CFAP91: variants seen among roughly 807,000 people sequenced by gnomAD.
The protein encoded by CFAP91 is cilia and flagella associated protein 91.
Under a neutral mutation model 95.9 loss-of-function variants are expected in CFAP91, and 85 were observed. That is an observed-to-expected ratio of 0.89 (90% CI 0.74 to 1.06). The LOEUF is 1.06. CFAP91 is among the 50% of genes least tolerant of loss of function. The pLI is 0.00. For missense variants in CFAP91, 962 were observed against 943.4 expected, an observed-to-expected ratio of 1.02 and a Z score of -0.26; for synonymous variants, 335 against 327.5, an observed-to-expected ratio of 1.02 and a Z score of -0.25.
At chr3:119,723,768 C>T (rs1024068456) in intron 6 of CFAP91, among the ~76,000 whole-genome samples, 14 of 152,168 alleles carry the variant, frequency 9.2e-5, no homozygotes, top group African/African-American at 3.1e-4. Flanking sequence ...AGCCTTTTAG[C>T]CCTTCAGTAT....
rs1479592462 is a variant in CFAP91 at position 119,726,200 on chromosome 3, G to T, written c.712G>T (p.Val238Leu). 7 of 1,612,890 alleles carry T rather than the reference G, an allele frequency of 4.3e-6. No individual in the cohort carries two copies. Among genetic ancestry groups the T allele is most frequent in the South Asian group, 1.1e-5 (1 of 90,894 alleles). Residue 238 changes from valine to leucine, a missense_variant, in exon 7 of 18, where the codon GTG (valine) becomes TTG (leucine). Physicochemically the swap from Val to Leu is conservative, Grantham distance 32. Transcript: ENST00000273390. Reference protein sequence around the residue: ...GRGLPAGQAEVEMIERAREKR... With the variant: ...GRGLPAGQAELEMIERAREKR... ...GGGTCTCCCAGCAGGACAAGCTGAG[G>T]TGGAGATGATAGAAAGAGCCCGCGA...
Position 119,707,577 on chromosome 3 carries a change from C to A in CFAP91, c.359+16C>A. The stretch of plus-strand genomic sequence containing the variant: ...AGCTCACCACGTAAGTGTCGGGTGG[C>A]TCCAGGGCCTAAAATAAATGCATTA... On this transcript the variant is annotated intron_variant, in intron 3 of 17. Transcript: ENST00000273390. 1 of 1,524,662 alleles carries A rather than the reference C, an allele frequency of 6.6e-7. No individual in the cohort carries two copies. The highest frequency in any genetic ancestry group is 2.3e-5 in the East Asian group (1 of 43,560). 94.4% of individuals were successfully genotyped at this position (1,524,662 alleles called of 1,614,324 possible).
rs780183569 is a variant in CFAP91 at position 119,730,277 on chromosome 3, T to C, written c.918T>C (p.Asn306=). The C allele has an allele frequency of 3.1e-6, 5 of 1,614,048 alleles. No individual in the cohort carries two copies. Among genetic ancestry groups the C allele is most frequent in the Non-Finnish European group, 4.2e-6 (5 of 1,180,018 alleles). Residue 306 remains asparagine (N), a synonymous_variant, in exon 8 of 18, where the codon AAT becomes AAC. Coordinates refer to ENST00000273390, the MANE Select transcript of CFAP91 (RefSeq NM_033364.4). ...AGCTGTTGAGGAAGCGTGAAGAGAA[T>C]CAGAATGAAGTGAATATGAAGCACT... ...LKELLRKREE[N]QNEVNMKHLN...
At chr3:119,750,732 G>T (rs2054309356) in intron 16 of CFAP91, 2 of 572,222 alleles carry the variant, frequency 3.5e-6, no homozygotes, top group Non-Finnish European at 6.2e-6. Flanking sequence ...AACTGCTGAG[G>T]AGTGGAATGG....
chr3:119,747,609 G>T, intron 15 of CFAP91: 1 of 584,758 alleles, frequency 1.7e-6, no homozygotes, highest in African/African-American at 1.9e-5. Context: ...CTGGCAGGCA[G>T]GGTAACTGAA....
intron 6 of CFAP91, among the ~76,000 whole-genome samples, chr3:119,725,363 A>G (rs77670117): frequency 0.017 from 2,602 of 152,350 alleles, 53 homozygotes; most frequent in African/African-American, 0.045. Flanking sequence ...TTAAAGTTGC[A>G]GGTAAGAGAT....
At chr3:119,722,352 G>A (rs1246701594) in intron 6 of CFAP91, among the ~76,000 whole-genome samples, 2 of 152,020 alleles carry the variant, frequency 1.3e-5, no homozygotes, top group Non-Finnish European at 2.9e-5. Context: ...CCAGCTACTC[G>A]GGAGGCTGAG....
intron 15 of CFAP91, 106 bp downstream of exon 15, chr3:119,747,369 T>A: frequency 7.8e-7 from 1 of 1,287,534 alleles, no homozygotes; most frequent in Non-Finnish European, 1.1e-6. Context: ...AACAAATAAC[T>A]CATACTTCAG....
At chr3:119,731,491 A>G (rs2053896557) in intron 8 of CFAP91, among the ~76,000 whole-genome samples, 1 of 152,206 alleles carries the variant, frequency 6.6e-6, no homozygotes, top group Non-Finnish European at 1.5e-5. Flanking sequence ...GGCATAACTA[A>G]TGATAGATCT....
At chr3:119,745,878 TATACTC>T (rs1158616716) in intron 14 of CFAP91, among the ~76,000 whole-genome samples, 26 of 152,346 alleles carry the variant, frequency 1.7e-4, no homozygotes, top group Non-Finnish European at 2.8e-4. Flanking sequence ...TACAGTATCA[TATACTC>T]AGAATTGTGC....
intron 12 of CFAP91, 76 bp downstream of exon 12, chr3:119,739,402 C>T (rs1028404932): frequency 7.4e-7 from 1 of 1,344,754 alleles, no homozygotes; most frequent in African/African-American, 1.4e-5. Flanking sequence ...TGCTTGGTTC[C>T]TTGGAGTGAA....
At chr3:119,720,892 A>G (rs1213028095) in intron 6 of CFAP91, among the ~76,000 whole-genome samples, 1 of 152,200 alleles carries the variant, frequency 6.6e-6, no homozygotes, top group African/African-American at 2.4e-5. Context: ...TTATACATAA[A>G]TAGTTATTAT....
intron 11 of CFAP91, 114 bp from the exon 12 acceptor site, chr3:119,739,141 A>G: frequency 2.5e-6 from 2 of 798,634 alleles, no homozygotes; most frequent in Non-Finnish European, 2.2e-6. Flanking sequence ...TTCTCTTTAA[A>G]TCTTTTTGGC....
chr3:119,724,889 C>T (rs1297801580), intron 6 of CFAP91, among the ~76,000 whole-genome samples: 3 of 152,130 alleles, frequency 2.0e-5, no homozygotes, highest in South Asian at 2.1e-4. Context: ...GGACTACAGG[C>T]GCCCACCACC....
chr3:119,727,849 C>A (rs2053813952), intron 7 of CFAP91, among the ~76,000 whole-genome samples: 1 of 152,114 alleles, frequency 6.6e-6, no homozygotes, highest in Non-Finnish European at 1.5e-5. Context: ...AGCCATCAGG[C>A]AGATAGTAGT....
intron 13 of CFAP91, among the ~76,000 whole-genome samples, chr3:119,743,134 CTTTT>C (rs1028044541): frequency 7.3e-6 from 1 of 137,090 alleles, no homozygotes; most frequent in African/African-American, 2.7e-5. Context: ...GTTTCCTGTG[CTTTT>C]TTTTTTTTTT....
chr3:119,742,278 T>G (rs1450155767), intron 13 of CFAP91, among the ~76,000 whole-genome samples: 1 of 152,186 alleles, frequency 6.6e-6, no homozygotes, highest in Non-Finnish European at 1.5e-5. Context: ...CCTGGATATA[T>G]GCAGGGATCT....
chr3:119,703,569 G>T (rs7613408), intron 1 of CFAP91, among the ~76,000 whole-genome samples: 111,252 of 152,146 alleles, frequency 0.73, 42,524 homozygotes, highest in Non-Finnish European at 0.85. Flanking sequence ...CTACAAAAAT[G>T]ATCTTTTCTC....
At chr3:119,745,040 C>T (rs891255931) in intron 14 of CFAP91, among the ~76,000 whole-genome samples, 9 of 152,096 alleles carry the variant, frequency 5.9e-5, no homozygotes, top group Admixed American at 5.9e-4. Flanking sequence ...AGGAAGATAC[C>T]TTCTAAATGG....
Sources: gnomAD v4.1 joint callset for allele counts (sites outside exome capture counted in the v4.1 genomes callset) on GRCh38, gnomAD v4.1.1 for gene constraint, MANE v1.5 for transcripts, NCBI Gene and HGNC (gene_info 2026-07-23, HGNC 2026-07-21) for gene names.